Variants in DIP2C observed in about 807,000 individuals in gnomAD.
DIP2C encodes DIP2 acetate--CoA ligase C (putative), also known as disco-interacting protein 2 homolog C.
In DIP2C, 33 loss-of-function variants were observed where a neutral mutation model predicts 192.4. The ratio of observed to expected loss-of-function variants is 0.17; its 90% CI spans 0.13 to 0.23. DIP2C has a LOEUF of 0.23. DIP2C is among the 10% of genes least tolerant of loss of function. DIP2C has a pLI of 1.00. For missense variants in DIP2C, 1,537 were observed against 2,110.1 expected (o/e 0.73, Z 5.32); for synonymous variants, 979 against 864.1 (o/e 1.13, Z -2.33).
At chr10:661,845 A>T (rs1358905162) in intron 1 of DIP2C, among the ~76,000 whole-genome samples, 1 of 152,158 alleles carries the variant, frequency 6.6e-6, no homozygotes, top group African/African-American at 2.4e-5. Flanking sequence ...GTATCTCTGA[A>T]TCAGGTCCAC....
chr10:570,700 T>TA (rs1849739956), intron 1 of DIP2C, among the ~76,000 whole-genome samples: 1 of 152,214 alleles, frequency 6.6e-6, no homozygotes, highest in African/African-American at 2.4e-5. Context: ...TCCAACTGAT[T>TA]AAAGTCTGTT....
chr10:590,160 G>C (rs758595675), intron 1 of DIP2C, among the ~76,000 whole-genome samples: 1 of 152,224 alleles, frequency 6.6e-6, no homozygotes, highest in African/African-American at 2.4e-5. Context: ...CCGGAGTCAC[G>C]GCCTGAGCCC....
In DIP2C at chr10:358,083, G is replaced by A. The variant is rs180830620; in HGVS notation, c.2795-146C>T. The A allele has an allele frequency of 3.4e-3, 1,990 of 580,972 alleles. 10 individuals carry two copies. The highest frequency in any genetic ancestry group is 4.7e-3 in the Non-Finnish European group (1,562 of 329,378). The allele number at this position is 580,972 out of a possible 1,614,324, so 36.0% of individuals were successfully genotyped here. A position where few individuals can be genotyped will look rare whatever the true frequency, so the allele number is the denominator to read the frequency against. On this transcript the variant is annotated intron_variant, in intron 22 of 36. Coordinates refer to ENST00000280886, the MANE Select transcript of DIP2C (RefSeq NM_014974.3). ...AACCTTCTAAGAACAGAGATTCAAC[G>A]AAATCAAATGATTGTGAAGGGGGAG...
At chr10:338,658 G>A (rs956626766) in intron 29 of DIP2C, among the ~76,000 whole-genome samples, 1 of 152,116 alleles carries the variant, frequency 6.6e-6, no homozygotes, top group African/African-American at 2.4e-5. Flanking sequence ...GTACCCCCAT[G>A]ACTAACGCCT....
chr10:590,713 T>TA (rs1851350814), intron 1 of DIP2C, among the ~76,000 whole-genome samples: 1 of 152,206 alleles, frequency 6.6e-6, no homozygotes, highest in Non-Finnish European at 1.5e-5. Context: ...TATCTTCACT[T>TA]ACCTAGTGCT....
At chr10:368,494 C>T (rs978653608) in intron 18 of DIP2C, among the ~76,000 whole-genome samples, 2 of 152,124 alleles carry the variant, frequency 1.3e-5, no homozygotes, top group Non-Finnish European at 2.9e-5. Context: ...GGAGGGCGTC[C>T]GCAGGGAATC....
Position 303,533 on chromosome 10 carries a change from C to CT in DIP2C, c.3986+6497dup, listed in dbSNP as rs1263667137. Among the ~76,000 whole-genome samples the CT allele has an allele frequency of 7.9e-5, 11 of 138,996 alleles. No homozygotes were observed. In the South Asian group the frequency reaches 1.6e-3, roughly 20 times the overall value. The allele number at this position is 138,996 out of a possible 152,430, so 91.2% of individuals were successfully genotyped here. A position where few individuals can be genotyped will look rare whatever the true frequency, so the allele number is the denominator to read the frequency against. On this transcript the variant is annotated intron_variant, in intron 32 of 36. Coordinates refer to ENST00000280886, the MANE Select transcript of DIP2C (RefSeq NM_014974.3). Reference sequence around the variant, plus strand: ...TAAAAGTTTTTTACTTTTTTTTTTTCTTTTTTTGAGACAGAGTTTTGCTCT... The same window carrying CT: ...TAAAAGTTTTTTACTTTTTTTTTTTCTTTTTTTTGAGACAGAGTTTTGCTCT...
chr10:329,367 T>G, intron 30 of DIP2C, 66 bp downstream of exon 30: 1 of 1,507,496 alleles, frequency 6.6e-7, no homozygotes, highest in South Asian at 1.3e-5. Flanking sequence ...CCATCACAGA[T>G]GTGCCTTCTT....
At position 298,898 on chromosome 10, in the gene DIP2C, C is replaced by T. The variant is rs538366576; in HGVS notation, c.3987-10477G>A. On this transcript the variant is annotated intron_variant, in intron 32 of 36. Coordinates refer to ENST00000280886, the MANE Select transcript of DIP2C (RefSeq NM_014974.3). ...CCAACTTGGTTTCCGTCACTTTCCA[C>T]CATGAAGTGTGACTAATGTGGATCA... is the stretch of plus-strand genomic sequence containing the variant. Among the ~76,000 whole-genome samples the T allele has an allele frequency of 1.1e-3, 161 of 152,278 alleles. 6 individuals are homozygous for T. In the South Asian group the frequency reaches 0.033, roughly 31 times the overall value.
chr10:539,989 G>A (rs1228551664), intron 1 of DIP2C, among the ~76,000 whole-genome samples: 1 of 152,158 alleles, frequency 6.6e-6, no homozygotes, highest in Non-Finnish European at 1.5e-5. Context: ...AAAGCCATTT[G>A]CAGAAAGCCA....
chr10:585,177 C>G (rs186644368), intron 1 of DIP2C, among the ~76,000 whole-genome samples: 93 of 152,304 alleles, frequency 6.1e-4, no homozygotes, highest in African/African-American at 2.2e-3. Flanking sequence ...CCTCTATGAG[C>G]CCGGAGAACA....
intron 34 of DIP2C, among the ~76,000 whole-genome samples, chr10:283,979 A>AG (rs527699651): frequency 1.4e-4 from 21 of 152,248 alleles, no homozygotes; most frequent in Non-Finnish European, 2.5e-4. Flanking sequence ...TTGGGGAAAT[A>AG]GGTAAGCAAA....
chr10:620,508 G>A (rs1330992756), intron 1 of DIP2C, among the ~76,000 whole-genome samples: 2 of 152,134 alleles, frequency 1.3e-5, no homozygotes, highest in African/African-American at 2.4e-5. Flanking sequence ...TGGCACCGTC[G>A]TACTAAAGAA....
chr10:326,785 G>T lies in DIP2C; in HGVS notation c.3924+221C>A, dbSNP rs114979055. On this transcript the variant is annotated intron_variant, in intron 31 of 36. Coordinates refer to ENST00000280886, the MANE Select transcript of DIP2C (RefSeq NM_014974.3). ...TGTCACAAAAGTTAAAATGTTCCAGGACAGAGTAAGTCCTATGAATGCTTG... is the reference window on the plus strand; with the variant it reads ...TGTCACAAAAGTTAAAATGTTCCAGTACAGAGTAAGTCCTATGAATGCTTG... Among the ~76,000 whole-genome samples, 369 of 152,312 alleles carry T rather than the reference G, an allele frequency of 2.4e-3. 1 individual carries two copies. The highest frequency in any genetic ancestry group is 8.6e-3 in the African/African-American group (358 of 41,574).
intron 9 of DIP2C, among the ~76,000 whole-genome samples, chr10:404,230 A>G (rs1391729648): frequency 1.4e-5 from 2 of 147,710 alleles, no homozygotes; most frequent in Non-Finnish European, 3.0e-5. Context: ...TTTTTTTGAG[A>G]CAGAGTCTTG....
rs899111539 is a variant in DIP2C at position 370,144 on chromosome 10, T to G, written c.1992-511A>C. The G allele has an allele frequency of 2.3e-5, 16 of 706,104 alleles. 1 individual carries two copies. The African/African-American group carries it at 2.9e-4, about 13-fold the overall frequency. The allele number at this position is 706,104 out of a possible 1,614,324, so 43.7% of individuals were successfully genotyped here. On this transcript the variant is annotated intron_variant, in intron 17 of 36. Transcript: ENST00000280886. ...CTGCCTGGGCGTATGCCCAATTTTA[T>G]AAGAATCTAAAATAAGATTTACGCT...
At chr10:437,350 C>T (rs909119084) in intron 4 of DIP2C, among the ~76,000 whole-genome samples, 3 of 150,918 alleles carry the variant, frequency 2.0e-5, no homozygotes, top group Non-Finnish European at 4.4e-5. Context: ...GGTGGCCATG[C>T]TCCACCCACA....
intron 1 of DIP2C, among the ~76,000 whole-genome samples, chr10:501,462 T>TA (rs1845222969): frequency 6.6e-6 from 1 of 152,284 alleles, no homozygotes; most frequent in Non-Finnish European, 1.5e-5. Context: ...AGCACATATG[T>TA]ATTCAAGGAT....
At chr10:677,354 G>C (rs1830911904) in intron 1 of DIP2C, among the ~76,000 whole-genome samples, 2 of 152,194 alleles carry the variant, frequency 1.3e-5, no homozygotes. Context: ...GTTTGGAATA[G>C]GTGTGTGTTC....
Sources: gnomAD v4.1 joint callset for allele counts (sites outside exome capture counted in the v4.1 genomes callset) on GRCh38, gnomAD v4.1.1 for gene constraint, MANE v1.5 for transcripts, NCBI Gene and HGNC (gene_info 2026-07-23, HGNC 2026-07-21) for gene names.